Variants in RNF149 observed in about 807,000 individuals in gnomAD.
The protein encoded by RNF149 is ring finger protein 149.
A neutral mutation model predicts 39.0 loss-of-function variants in RNF149; 21 were observed. The observed-to-expected ratio is 0.54, with a 90% CI of 0.38 to 0.77. The LOEUF is 0.77. Ranked by LOEUF, RNF149 falls within the 30% of genes least tolerant of loss-of-function variation. The probability of loss-of-function intolerance (pLI) is 0.00; values close to 1 mark genes in which losing one functional copy is unlikely to be tolerated. For synonymous variants in RNF149, 209 were observed against 213.6 expected, an observed-to-expected ratio of 0.98 and a Z score of 0.19; for missense variants, 493 against 534.9, an observed-to-expected ratio of 0.92 and a Z score of 0.77.
intron 1 of RNF149, among the ~76,000 whole-genome samples, chr2:101,306,706 T>C (rs1344916959): frequency 6.6e-6 from 1 of 152,206 alleles, no homozygotes; most frequent in Admixed American, 6.5e-5. Context: ...TTCCTCTGCA[T>C]CTCCCTCAGT....
chr2:101,302,924 G>A (rs1314213010), intron 1 of RNF149, among the ~76,000 whole-genome samples: 9 of 151,540 alleles, frequency 5.9e-5, no homozygotes, highest in South Asian at 2.1e-4. Context: ...AAGCTACAGC[G>A]AGCTATGATG....
intron 1 of RNF149, 32 bp from the exon 2 acceptor site, chr2:101,295,213 G>A (rs1199531589): frequency 1.3e-6 from 2 of 1,579,750 alleles, no homozygotes; most frequent in Admixed American, 3.4e-5. Flanking sequence ...TCAATGTGAA[G>A]AACACAAAAT....
chr2:101,285,392 C>G (rs750240888), intron 5 of RNF149, among the ~76,000 whole-genome samples: 6 of 152,160 alleles, frequency 3.9e-5, no homozygotes, highest in Non-Finnish European at 7.3e-5. Context: ...TCCCCATTAG[C>G]TAACTGCATG....
chr2:101,284,784 A>T (rs1238530090), intron 5 of RNF149, among the ~76,000 whole-genome samples: 1 of 152,126 alleles, frequency 6.6e-6, no homozygotes, highest in East Asian at 1.9e-4. Flanking sequence ...ATCATCATTT[A>T]AAAAACCCCA....
chr2:101,308,423 A>T lies in RNF149; in HGVS notation c.166T>A (p.Trp56Arg). The T allele has an allele frequency of 6.2e-7, 1 of 1,611,472 alleles. No homozygotes were observed. The highest frequency in any genetic ancestry group is 8.5e-7 in the Non-Finnish European group (1 of 1,179,342). Reference protein sequence around the residue: ...YVDPQTNLTVWSVSESGRFGD... With the variant: ...YVDPQTNLTVRSVSESGRFGD... ...AAGCGGCCACTCTCCGAGACGCTCC[A>T]CACCGTCAGGTTGGTCTGCGGGTCC... The change falls in exon 1 of 7, where the codon TGG becomes AGG. Residue 56 changes from tryptophan to arginine, a missense_variant. Coordinates refer to ENST00000295317, the MANE Select transcript of RNF149 (RefSeq NM_173647.4).
rs1295242824 is a variant in RNF149, at chr2:101,308,379, C to G, written c.210G>C (p.Lys70Asn). The change falls in exon 1 of 7, where the codon AAG becomes AAC. Residue 70 changes from lysine (K) to asparagine (N), a missense_variant. Coordinates refer to ENST00000295317, the MANE Select transcript of RNF149 (RefSeq NM_173647.4). ...ESGRFGDSSPKEGAHGLVGVP... is the reference protein window; with the variant it reads ...ESGRFGDSSPNEGAHGLVGVP... ...CGCCCACCAGGCCATGCGCGCCCTC[C>G]TTGGGCGAGCTGTCGCCGAAGCGGC... The G allele has an allele frequency of 6.2e-7, 1 of 1,609,538 alleles. No homozygotes were observed. The highest frequency in any genetic ancestry group is 2.2e-5 in the East Asian group (1 of 44,706).
intron 1 of RNF149, among the ~76,000 whole-genome samples, chr2:101,296,363 A>G (rs934537712): frequency 1.3e-5 from 2 of 152,216 alleles, no homozygotes; most frequent in African/African-American, 2.4e-5. Flanking sequence ...ATCATAAAAT[A>G]TCGATAAGAT....
At chr2:101,293,152 C>T (rs945444442) in intron 3 of RNF149, among the ~76,000 whole-genome samples, 4 of 150,770 alleles carry the variant, frequency 2.7e-5, no homozygotes, top group Non-Finnish European at 4.4e-5. Context: ...AAAAAAAAAT[C>T]AAAAGTCTGT....
At position 101,276,270 on chromosome 2, in the gene RNF149, A is replaced by G. The variant is rs1682340367; in HGVS notation, c.*968T>C. The G allele has an allele frequency of 2.0e-6, 2 of 985,506 alleles. No homozygotes were observed. Among genetic ancestry groups the G allele is most frequent in the African/African-American group, 1.7e-5 (1 of 57,362 alleles). 61.0% of individuals were successfully genotyped at this position (985,506 alleles called of 1,614,324 possible). ...CACTTTTTAACACTTAGCAGTCTCC[A>G]AAAGCTTTGCATTAGCCTGCTCCTT... On this transcript the variant is annotated 3_prime_UTR_variant, in exon 7 of 7. Transcript: ENST00000295317.
At position 101,289,071 on chromosome 2, in the gene RNF149, G is replaced by A; in HGVS notation, c.781-16C>T. ...CATCAATTCCCTGTAAAAAGAAAAG[G>A]AAAGTGTTACTACATTCTTGGTACA... On this transcript the variant is annotated splice_polypyrimidine_tract_variant and intron_variant, in intron 3 of 6. Coordinates refer to ENST00000295317, the MANE Select transcript of RNF149 (RefSeq NM_173647.4). 6.7e-7 allele frequency: 1 copy of A among 1,483,894 alleles called. No homozygotes were observed. 91.9% of individuals were successfully genotyped at this position (1,483,894 alleles called of 1,614,324 possible). A position where few individuals can be genotyped will look rare whatever the true frequency, so the allele number is the denominator to read the frequency against.
chr2:101,304,298 G>T (rs1387415383), intron 1 of RNF149, among the ~76,000 whole-genome samples: 2 of 152,192 alleles, frequency 1.3e-5, no homozygotes, highest in East Asian at 3.9e-4. Context: ...CTGGGAGGCT[G>T]AGGTGAGAGG....
Position 101,295,170 on chromosome 2 carries a change from T to A in RNF149, c.472A>T (p.Ile158Leu), listed in dbSNP as rs767271955. The change falls in exon 2 of 7, where the codon ATA becomes TTA. Residue 158 changes from isoleucine (I) to leucine (L), a missense_variant. By Grantham distance (5) the Ile-to-Leu change is conservative. Coordinates refer to ENST00000295317, the MANE Select transcript of RNF149 (RefSeq NM_173647.4). ...GGATAGCTAATCATAATGACCACTA[T>A]ATTTCCTGTTCCTGTAGGAAAGAAC... ...LPMSHAGTGN[I>L]VVIMISYPKG... 6.2e-7 allele frequency: 1 copy of A among 1,613,156 alleles called. No individual in the cohort carries two copies. Among genetic ancestry groups the A allele is most frequent in the African/African-American group, 1.3e-5 (1 of 74,888 alleles).
chr2:101,296,696 C>T lies in RNF149; in HGVS notation c.461-1515G>A, dbSNP rs147517123. 9.5e-4 allele frequency among the ~76,000 whole-genome samples: 144 copies of T among 152,014 alleles called. 1 individual carries two copies. The highest frequency in any genetic ancestry group is 1.5e-3 in the Non-Finnish European group (101 of 67,992). The stretch of plus-strand genomic sequence containing the variant: ...AGCTGCATCCATTTCTCACAACTTA[C>T]GCCAAAATAAATTCCAACTAAATTA... On this transcript the variant is annotated intron_variant, in intron 1 of 6. Transcript: ENST00000295317.
At chr2:101,289,116 C>T (rs1388304521) in intron 3 of RNF149, 61 bp from the exon 4 acceptor site, 1 of 908,416 alleles carries the variant, frequency 1.1e-6, no homozygotes, top group Non-Finnish European at 1.8e-6. Flanking sequence ...CCTTGGTAAA[C>T]TCACTACATC....
chr2:101,289,137 C>T (rs924522872), intron 3 of RNF149, 82 bp from the exon 4 acceptor site: 4 of 776,236 alleles, frequency 5.2e-6, no homozygotes, highest in Non-Finnish European at 6.6e-6. Context: ...CGGACTAAAA[C>T]AATGACGAAT....
At position 101,308,371 on chromosome 2, in the gene RNF149, G is replaced by A; in HGVS notation, c.218C>T (p.Ala73Val). 6.2e-7 allele frequency: 1 copy of A among 1,607,192 alleles called. No homozygotes were observed. Among genetic ancestry groups the A allele is most frequent in the South Asian group, 1.1e-5 (1 of 90,580 alleles). ...CCACGGGACGCCCACCAGGCCATGC[G>A]CGCCCTCCTTGGGCGAGCTGTCGCC... ...RFGDSSPKEGAHGLVGVPWAP... is the reference protein window; with the variant it reads ...RFGDSSPKEGVHGLVGVPWAP... Residue 73 changes from alanine to valine, a missense_variant, in exon 1 of 7, where the codon GCG (alanine) becomes GTG (valine). Ala to Val is a moderately conservative substitution (Grantham distance 64). Coordinates refer to ENST00000295317, the MANE Select transcript of RNF149 (RefSeq NM_173647.4).
At chr2:101,307,220 T>C (rs1461583330) in intron 1 of RNF149, among the ~76,000 whole-genome samples, 1 of 152,246 alleles carries the variant, frequency 6.6e-6, no homozygotes, top group Non-Finnish European at 1.5e-5. Flanking sequence ...TCTTGCTCTG[T>C]CGCCCAGGCT....
Position 101,308,438 on chromosome 2 carries a change from T to A in RNF149, c.151A>T (p.Thr51Ser). The change falls in exon 1 of 7, where the codon ACC becomes TCC. Residue 51 changes from threonine to serine, a missense_variant. Transcript: ENST00000295317. ...GAGACGCTCCACACCGTCAGGTTGG[T>A]CTGCGGGTCCACGTACTCGATGTTT... is the stretch of plus-strand genomic sequence containing the variant. ...VVNIEYVDPQ[T>S]NLTVWSVSES... 6.2e-7 allele frequency: 1 copy of A among 1,611,398 alleles called. No individual in the cohort carries two copies. The highest frequency in any genetic ancestry group is 8.5e-7 in the Non-Finnish European group (1 of 1,179,346).
downstream of RNF149, among the ~76,000 whole-genome samples, chr2:101,274,388 C>T (rs189809723): frequency 1.8e-3 from 277 of 152,302 alleles, 1 homozygote; most frequent in African/African-American, 6.3e-3. Flanking sequence ...TGCTGTATGG[C>T]GTGTGAAGTC....
Sources: allele counts gnomAD v4.1 joint callset (sites outside exome capture counted in the v4.1 genomes callset), GRCh38; gene constraint gnomAD v4.1.1; transcripts MANE v1.5; gene names NCBI Gene and HGNC (gene_info 2026-07-23, HGNC 2026-07-21).